SLC25A41: variants seen among roughly 807,000 people sequenced by gnomAD.
SLC25A41 encodes the protein solute carrier family 25 member 41.
In SLC25A41, 35 loss-of-function variants were observed where a neutral mutation model predicts 34.7. The ratio of observed to expected loss-of-function variants is 1.01; its 90% confidence interval spans 0.77 to 1.34. The LOEUF (loss-of-function observed/expected upper bound fraction) is 1.34. Among genes scored for constraint, SLC25A41 ranks in the 40% most tolerant of loss-of-function variants. The pLI is 0.00. For missense variants in SLC25A41, 492 were observed against 489.8 expected, an observed-to-expected ratio of 1.00 and a Z score of -0.04; for synonymous variants, 190 against 209.9, an observed-to-expected ratio of 0.91 and a Z score of 0.82.
In SLC25A41 at chr19:6,427,001, A is replaced by T; in HGVS notation, c.940+102T>A. The stretch of plus-strand genomic sequence containing the variant: ...GTTATCAAAAGTGGGCTGGGATCAG[A>T]CACGGAGGGTGCCGGACTCAGTTTT... On this transcript the variant is annotated intron_variant, in intron 6 of 6. Coordinates refer to ENST00000321510, the MANE Select transcript of SLC25A41 (RefSeq NM_173637.4). The surrounding 1 kb of genome is among the most constrained non-coding windows in gnomAD (Gnocchi z 4.9). The T allele has an allele frequency of 7.5e-7, 1 of 1,326,234 alleles. No homozygotes were observed. The highest frequency in any genetic ancestry group is 1.0e-6 in the Non-Finnish European group (1 of 972,146). The allele number at this position is 1,326,234 out of a possible 1,614,324, so 82.2% of individuals were successfully genotyped here.
chr19:6,429,418 GAGAAGGGAGAAAGGAGGAGGGA>G, intron 4 of SLC25A41, among the ~76,000 whole-genome samples: 1 of 934 alleles, frequency 1.1e-3, no homozygotes, highest in Non-Finnish European at 3.0e-3. Context: ...AAGAGGGGAG[GAGAAGGGAGAAAGGAGGAGGGA>G]AGGAGGAGGA....
rs552989074 is a variant in SLC25A41, at chr19:6,427,423, G to A, written c.703C>T (p.Arg235Ter). The part of the protein sequence containing the change: ...LLDCARQILQ[R>*]EGTRALYRGY... ...CGGTAAAGGGCGCGGGTGCCCTCTCGCTGCAAGATCTGCCTGGCGCAGTCC... is the reference window on the plus strand; with the variant it reads ...CGGTAAAGGGCGCGGGTGCCCTCTCACTGCAAGATCTGCCTGGCGCAGTCC... The change falls in exon 5 of 7, where the codon CGA becomes TGA. Residue 235 changes from arginine to a stop codon, truncating the protein, a stop_gained. Transcript: ENST00000321510. LOFTEE classifies it high-confidence loss of function. The surrounding 1 kb of genome is among the most constrained non-coding windows in gnomAD (Gnocchi z 4.9). The A allele has an allele frequency of 6.2e-4, 1,004 of 1,609,004 alleles. 4 individuals carry two copies. In the South Asian group the frequency reaches 0.011, roughly 17 times the overall value.
rs2092265302 is a variant in SLC25A41 at position 6,429,135 on chromosome 19, T to TATATG, written c.624+588_624+589insCATAT. ...ATATATATATTATATATATGTTATA[T>TATATG]ATATATATAATATATATATTATATA... On this transcript the variant is annotated intron_variant, in intron 4 of 6. Coordinates refer to ENST00000321510, the MANE Select transcript of SLC25A41 (RefSeq NM_173637.4). 2.1e-4 allele frequency among the ~76,000 whole-genome samples: 5 copies of TATATG among 23,892 alleles called. 1 individual carries two copies. The South Asian group carries it at 4.5e-3, about 22-fold the overall frequency. 15.7% of individuals were successfully genotyped at this position (23,892 alleles called of 152,430 possible). A position where few individuals can be genotyped will look rare whatever the true frequency, so the allele number is the denominator to read the frequency against.
chr19:6,429,689 G>A (rs1447626331), intron 4 of SLC25A41, 35 bp downstream of exon 4: 3 of 1,490,714 alleles, frequency 2.0e-6, no homozygotes, highest in African/African-American at 2.9e-5. Flanking sequence ...AGTTTCCACG[G>A]CGTTTCCTCA....
At chr19:6,431,398 G>A (rs1000758584) in intron 2 of SLC25A41, among the ~76,000 whole-genome samples, 4 of 150,652 alleles carry the variant, frequency 2.7e-5, no homozygotes, top group African/African-American at 9.8e-5. Context: ...ATGGGTGTGA[G>A]ATATCCTGCT....
rs778717438 is a variant in SLC25A41 at position 6,433,523 on chromosome 19, C to T, written c.171G>A (p.Met57Ile). The change falls in exon 1 of 7, where the codon ATG becomes ATA. Residue 57 changes from methionine (M) to isoleucine (I), a missense_variant. Transcript: ENST00000321510. The stretch of plus-strand genomic sequence containing the variant: ...GGAGATGTTCAAGGTTGTTGTCATG[C>T]ATGTGGCCAAACGCGTACCCATACA... ...THVYGYAFGHMHDNNLEHLPS... is the reference protein window; with the variant it reads ...THVYGYAFGHIHDNNLEHLPS... 6.2e-7 allele frequency: 1 copy of T among 1,612,942 alleles called. No homozygotes were observed. The highest frequency in any genetic ancestry group is 1.1e-5 in the South Asian group (1 of 91,036).
intron 4 of SLC25A41, among the ~76,000 whole-genome samples, chr19:6,429,130 T>A (rs1284310432): frequency 0.024 from 256 of 10,620 alleles, 63 homozygotes; most frequent in South Asian, 0.036. Flanking sequence ...TATATATATG[T>A]TATATATATA....
upstream of SLC25A41, among the ~76,000 whole-genome samples, chr19:6,435,321 C>T (rs938231987): frequency 9.2e-5 from 14 of 151,874 alleles, 1 homozygote; most frequent in Admixed American, 8.5e-4. Context: ...TATAGTGGCA[C>T]ACTTAAGGTC....
In SLC25A41 at chr19:6,429,315, A is replaced by G. The variant is rs1445792512; in HGVS notation, c.624+409T>C. Among the ~76,000 whole-genome samples, 3 of 51,270 alleles carry G rather than the reference A, an allele frequency of 5.9e-5. No individual in the cohort carries two copies. The East Asian group carries it at 1.6e-3, about 27-fold the overall frequency. 33.6% of individuals were successfully genotyped at this position (51,270 alleles called of 152,430 possible). A position where few individuals can be genotyped will look rare whatever the true frequency, so the allele number is the denominator to read the frequency against. On this transcript the variant is annotated intron_variant, in intron 4 of 6. Coordinates refer to ENST00000321510, the MANE Select transcript of SLC25A41 (RefSeq NM_173637.4). ...TTTATAGAAAGGAGGAGGAGATTGG[A>G]GAGGAGGAGAAAGAGGTAAAGGGGG...
Position 6,433,659 on chromosome 19 carries a change from C to T in SLC25A41, c.35G>A (p.Cys12Tyr), listed in dbSNP as rs1172248647. 6.3e-7 allele frequency: 1 copy of T among 1,589,412 alleles called. No individual in the cohort carries two copies. Among genetic ancestry groups the T allele is most frequent in the African/African-American group, 1.3e-5 (1 of 74,658 alleles). The change falls in exon 1 of 7, where the codon TGC (cysteine) becomes TAC (tyrosine). Residue 12 changes from cysteine to tyrosine, a missense_variant. Coordinates refer to ENST00000321510, the MANE Select transcript of SLC25A41 (RefSeq NM_173637.4). ...CCTAAACAGTGTCTGGATCCTAGAGCAAGTGTTCTGAGGTTCCCCAGGCTG... is the reference window on the plus strand; with the variant it reads ...CCTAAACAGTGTCTGGATCCTAGAGTAAGTGTTCTGAGGTTCCCCAGGCTG... ...GAQPGEPQNT[C>Y]SRIQTLFRRV...
intron 4 of SLC25A41, among the ~76,000 whole-genome samples, chr19:6,429,499 AAGG>A (rs1241400624): frequency 0.023 from 1,396 of 59,692 alleles, 34 homozygotes; most frequent in African/African-American, 0.078. Context: ...AGGAGGGAGA[AAGG>A]AGGAGGAGGA....
chr19:6,428,505 A>G (rs2092254596), intron 4 of SLC25A41, among the ~76,000 whole-genome samples: 1 of 147,814 alleles, frequency 6.8e-6, no homozygotes. Flanking sequence ...TATACATATT[A>G]TATATGTATT....
Position 6,427,340 on chromosome 19 carries a change from G to A in SLC25A41, c.786C>T (p.Val262=). ...CCCTCTGCAGGACCCATACCTCATA[G>A]ACAGCCAGGTCGGTGCAGGCATAGG... is the stretch of plus-strand genomic sequence containing the variant. ...IIPYACTDLA[V]YEMLQCFWVK... Residue 262 remains valine (V), a synonymous_variant, in exon 5 of 7, where the codon GTC becomes GTT. Coordinates refer to ENST00000321510, the MANE Select transcript of SLC25A41 (RefSeq NM_173637.4). This position sits in a 1 kb window ranked among gnomAD's most constrained non-coding sequence, Gnocchi z 4.9. 3 of 1,606,420 alleles carry A rather than the reference G, an allele frequency of 1.9e-6. No individual in the cohort carries two copies. Among genetic ancestry groups the A allele is most frequent in the South Asian group, 1.1e-5 (1 of 90,604 alleles).
intron 4 of SLC25A41, among the ~76,000 whole-genome samples, chr19:6,429,268 A>G (rs887233762): frequency 1.8e-5 from 2 of 112,444 alleles, no homozygotes; most frequent in African/African-American, 6.6e-5. Context: ...TATGTGTTAT[A>G]TATAATATAT....
intron 2 of SLC25A41, chr19:6,430,552 A>G (rs1426574242): frequency 6.7e-5 from 23 of 345,014 alleles, no homozygotes; most frequent in Middle Eastern, 1.1e-3. Flanking sequence ...CGGTCGGGGG[A>G]TCTCGGCTCA....
Position 6,427,564 on chromosome 19 carries a change from G to A in SLC25A41, c.625-63C>T, listed in dbSNP as rs780953130. On this transcript the variant is annotated intron_variant, in intron 4 of 6. Coordinates refer to ENST00000321510, the MANE Select transcript of SLC25A41 (RefSeq NM_173637.4). This position sits in a 1 kb window ranked among gnomAD's most constrained non-coding sequence, Gnocchi z 4.9. ...AATCCTGTCAATGACCCTCGGGGTAGCCATTGTCCCCACCCTACAAACAAG... is the reference window on the plus strand; with the variant it reads ...AATCCTGTCAATGACCCTCGGGGTAACCATTGTCCCCACCCTACAAACAAG... 1.2e-5 allele frequency: 17 copies of A among 1,427,704 alleles called. No homozygotes were observed. The highest frequency in any genetic ancestry group is 1.6e-5 in the Non-Finnish European group (17 of 1,082,948). 88.4% of individuals were successfully genotyped at this position (1,427,704 alleles called of 1,614,324 possible).
intron 1 of SLC25A41, among the ~76,000 whole-genome samples, chr19:6,433,135 A>G (rs762711332): frequency 6.6e-6 from 1 of 151,004 alleles, no homozygotes; most frequent in East Asian, 2.0e-4. Flanking sequence ...TGCAACCTCT[A>G]CCTCCTGAGT....
rs1297621807 is a variant in SLC25A41, at chr19:6,433,569, C to T, written c.125G>A (p.Trp42Ter). 6.3e-7 allele frequency: 1 copy of T among 1,596,540 alleles called. No homozygotes were observed. Among genetic ancestry groups the T allele is most frequent in the African/African-American group, 1.4e-5 (1 of 73,988 alleles). ...ATACACGTGTGTACAGCCAGGGTTCCAGGATGGGGGTGGAGGCGGAGGTTG... is the reference window on the plus strand; with the variant it reads ...ATACACGTGTGTACAGCCAGGGTTCTAGGATGGGGGTGGAGGCGGAGGTTG... ...PPQPPPPPPS[W>*]NPGCTHVYGY... Residue 42 changes from tryptophan to a stop codon, truncating the protein, a stop_gained, in exon 1 of 7, where the codon TGG (tryptophan) becomes TAG (stop). Transcript: ENST00000321510. LOFTEE classifies it high-confidence loss of function.
intron 2 of SLC25A41, chr19:6,430,684 T>C (rs1199836981): frequency 1.4e-5 from 3 of 213,780 alleles, no homozygotes; most frequent in Non-Finnish European, 2.9e-5. Flanking sequence ...GCTGGGGGTT[T>C]GCCATGTTGG....
Sources: allele counts gnomAD v4.1 joint callset (sites outside exome capture counted in the v4.1 genomes callset), GRCh38; gene constraint gnomAD v4.1.1; non-coding constraint Gnocchi (gnomAD v3.1); transcripts MANE v1.5; gene names NCBI Gene and HGNC (gene_info 2026-07-23, HGNC 2026-07-21).